GLYATL3: variants seen among roughly 807,000 people sequenced by gnomAD.
GLYATL3 encodes glycine-N-acyltransferase like 3, also known as glycine N-acyltransferase-like protein 3.
Under a neutral mutation model 28.5 loss-of-function variants are expected in GLYATL3, and 31 were observed. The observed-to-expected ratio is 1.09, with a 90% CI of 0.82 to 1.47. GLYATL3 has a LOEUF of 1.47. Ranked by LOEUF, GLYATL3 falls within the 40% of genes most tolerant of loss-of-function variation. The pLI, the probability that GLYATL3 is intolerant of heterozygous loss-of-function variation, is 0.00. For synonymous variants in GLYATL3, 141 were observed against 140.2 expected (o/e 1.01, Z -0.04); for missense variants, 369 against 351.5 (o/e 1.05, Z -0.40).
At chr6:49,502,093 T>C (rs1208374378) in intron 1 of GLYATL3, among the ~76,000 whole-genome samples, 1 of 152,190 alleles carries the variant, frequency 6.6e-6, no homozygotes, top group Non-Finnish European at 1.5e-5. Context: ...CATCTTTTAC[T>C]CCATAGCAAT....
At chr6:49,506,161 G>A (rs1197380560) in intron 1 of GLYATL3, among the ~76,000 whole-genome samples, 1 of 152,184 alleles carries the variant, frequency 6.6e-6, no homozygotes, top group Non-Finnish European at 1.5e-5. Flanking sequence ...AATGGAGTGA[G>A]CTTCTAGCTG....
At chr6:49,503,543 A>G (rs1468798982) in intron 1 of GLYATL3, among the ~76,000 whole-genome samples, 1 of 152,208 alleles carries the variant, frequency 6.6e-6, no homozygotes, top group Non-Finnish European at 1.5e-5. Flanking sequence ...AGTGTTGACA[A>G]TCTCTGTGAC....
rs893586141 is a variant in GLYATL3, at chr6:49,521,560, T to C, written c.314-85T>C. On this transcript the variant is annotated intron_variant, in intron 4 of 5. Transcript: ENST00000371197. ...GGCAAACTGCTAGTATTGATGATTC[T>C]CAGTATAAAATTACTGCAACAAATT... 50 of 1,144,010 alleles carry C rather than the reference T, an allele frequency of 4.4e-5. No homozygotes were observed. The South Asian group carries it at 7.4e-4, about 17-fold the overall frequency. 70.9% of individuals were successfully genotyped at this position (1,144,010 alleles called of 1,614,324 possible).
At chr6:49,505,769 G>C (rs1330791321) in intron 1 of GLYATL3, among the ~76,000 whole-genome samples, 1 of 152,166 alleles carries the variant, frequency 6.6e-6, no homozygotes, top group Non-Finnish European at 1.5e-5. Context: ...GTGGCCATTT[G>C]ATCAAGATAT....
chr6:49,515,681 G>A lies in GLYATL3; in HGVS notation c.107G>A (p.Arg36His), dbSNP rs750299040. ...TACGGAGCGGTGATGAACATAAATC[G>A]TGGGAACCCCTTTCAAAAGGAAGTG... is the stretch of plus-strand genomic sequence containing the variant. Reference protein sequence around the residue: ...KVYGAVMNINRGNPFQKEVVL... With the variant: ...KVYGAVMNINHGNPFQKEVVL... Residue 36 changes from arginine (R) to histidine (H), a missense_variant, in exon 3 of 6, where the codon CGT (arginine) becomes CAT (histidine). Coordinates refer to ENST00000371197, the MANE Select transcript of GLYATL3 (RefSeq NM_001010904.2). 23 of 1,550,560 alleles carry A rather than the reference G, an allele frequency of 1.5e-5. No individual in the cohort carries two copies. Among genetic ancestry groups the A allele is most frequent in the South Asian group, 1.4e-4 (12 of 84,040 alleles).
intron 4 of GLYATL3, among the ~76,000 whole-genome samples, chr6:49,520,331 G>C (rs1031902041): frequency 1.3e-5 from 2 of 152,110 alleles, no homozygotes; most frequent in African/African-American, 4.8e-5. Flanking sequence ...TGAAAAGTAG[G>C]CACTGCCTCC....
chr6:49,519,448 C>T (rs1204243894), intron 4 of GLYATL3, among the ~76,000 whole-genome samples: 10 of 152,166 alleles, frequency 6.6e-5, no homozygotes, highest in Non-Finnish European at 1.5e-5. Context: ...TGACTACAGA[C>T]TTCTGTGGTA....
chr6:49,514,543 AT>A (rs1343620018), intron 2 of GLYATL3, among the ~76,000 whole-genome samples: 1 of 152,194 alleles, frequency 6.6e-6, no homozygotes, highest in African/African-American at 2.4e-5. Flanking sequence ...GTAGATAAAA[AT>A]ATGTGGCTGC....
At chr6:49,503,374 A>G (rs2127430676) in intron 1 of GLYATL3, among the ~76,000 whole-genome samples, 1 of 152,368 alleles carries the variant, frequency 6.6e-6, no homozygotes, top group South Asian at 2.1e-4. Flanking sequence ...GTTAATCTCC[A>G]TAATTCTGAA....
chr6:49,510,272 C>T (rs1041650788), intron 1 of GLYATL3, among the ~76,000 whole-genome samples: 2 of 151,994 alleles, frequency 1.3e-5, no homozygotes, highest in Non-Finnish European at 2.9e-5. Context: ...GAACTCCTGA[C>T]CTCAGGTGAT....
At chr6:49,515,324 C>G (rs1456507747) in intron 2 of GLYATL3, among the ~76,000 whole-genome samples, 1 of 152,120 alleles carries the variant, frequency 6.6e-6, no homozygotes, top group African/African-American at 2.4e-5. Context: ...CTGATTCATT[C>G]AGCAAGTATT....
intron 4 of GLYATL3, among the ~76,000 whole-genome samples, chr6:49,518,898 G>A (rs1248923572): frequency 2.6e-5 from 4 of 151,702 alleles, no homozygotes; most frequent in Non-Finnish European, 4.4e-5. Flanking sequence ...CCGAGATCGC[G>A]CCACTGCACT....
At chr6:49,521,826 C>A in intron 5 of GLYATL3, 55 bp downstream of exon 5, 1 of 1,463,506 alleles carries the variant, frequency 6.8e-7, no homozygotes, top group South Asian at 1.3e-5. Flanking sequence ...TAGAAGTACA[C>A]GTAGCAGTAA....
chr6:49,505,139 C>T (rs1439650092), intron 1 of GLYATL3, among the ~76,000 whole-genome samples: 1 of 152,056 alleles, frequency 6.6e-6, no homozygotes, highest in African/African-American at 2.4e-5. Flanking sequence ...TCTATAATGG[C>T]TAGAGAAACT....
chr6:49,509,401 A>G (rs1451873761), intron 1 of GLYATL3, among the ~76,000 whole-genome samples: 2 of 152,234 alleles, frequency 1.3e-5, no homozygotes, highest in South Asian at 4.1e-4. Flanking sequence ...ATTGTAACTC[A>G]TGTCCAAACG....
intron 1 of GLYATL3, among the ~76,000 whole-genome samples, chr6:49,502,173 G>T (rs752896038): frequency 8.5e-5 from 13 of 152,110 alleles, no homozygotes; most frequent in Non-Finnish European, 1.8e-4. Flanking sequence ...TCATAGCTTG[G>T]CACTGATCAT....
chr6:49,502,802 T>C (rs1431894768), intron 1 of GLYATL3, among the ~76,000 whole-genome samples: 1 of 152,174 alleles, frequency 6.6e-6, no homozygotes, highest in African/African-American at 2.4e-5. Context: ...ATTTACTCCT[T>C]TTAATAATTT....
chr6:49,515,275 A>G (rs574924755), intron 2 of GLYATL3, among the ~76,000 whole-genome samples: 11 of 152,266 alleles, frequency 7.2e-5, no homozygotes, highest in Admixed American at 2.0e-4. Context: ...ATTTGCAGAA[A>G]TTTTTAAATA....
Position 49,527,571 on chromosome 6 carries a change from G to A in GLYATL3, c.*657G>A, listed in dbSNP as rs529711468. 3.4e-4 allele frequency among the ~76,000 whole-genome samples: 52 copies of A among 152,260 alleles called. No homozygotes were observed. Among genetic ancestry groups the A allele is most frequent in the Admixed American group, 9.8e-4 (15 of 15,300 alleles). On this transcript the variant is annotated 3_prime_UTR_variant, in exon 6 of 6. Transcript: ENST00000371197. ...CACATCACTAGGCCTCTCCTTCTAC[G>A]AGGTAGGGCCCAAAATTTGCATTTC...
Sources: gnomAD v4.1 joint callset for allele counts (sites outside exome capture counted in the v4.1 genomes callset) on GRCh38, gnomAD v4.1.1 for gene constraint, MANE v1.5 for transcripts, NCBI Gene and HGNC (gene_info 2026-07-23, HGNC 2026-07-21) for gene names.